Variants in CRIM1 observed in about 807,000 individuals in gnomAD.
The protein encoded by CRIM1 is cysteine rich transmembrane BMP regulator 1.
In CRIM1, 32 loss-of-function variants were observed where a neutral mutation model predicts 116.4. The observed-to-expected ratio is 0.27, with a 90% CI of 0.21 to 0.37. The LOEUF is 0.37. Among genes scored for constraint, CRIM1 ranks in the 10% least tolerant of loss-of-function variants. The pLI is 1.00. For synonymous variants in CRIM1, 590 were observed against 509.2 expected (o/e 1.16, Z -2.13); for missense variants, 1,331 against 1,354.8 (o/e 0.98, Z 0.28).
Position 36,535,962 on chromosome 2 carries a change from C to T in CRIM1, c.2429-1390C>T, listed in dbSNP as rs973543245. Among the ~76,000 whole-genome samples, 3 of 152,270 alleles carry T rather than the reference C, an allele frequency of 2.0e-5. No individual in the cohort carries two copies. The East Asian group carries it at 5.8e-4, about 29-fold the overall frequency. ...ACGCTGTTTTATATTAGGGACTTGG[C>T]ACATGAGCGTCTTTGGATTTTGGTA... On this transcript the variant is annotated intron_variant, in intron 13 of 16. Transcript: ENST00000280527.
intron 4 of CRIM1, among the ~76,000 whole-genome samples, chr2:36,448,828 C>G (rs1676459058): frequency 6.6e-6 from 1 of 152,084 alleles, no homozygotes; most frequent in African/African-American, 2.4e-5. Context: ...TGTCCAAAAA[C>G]TTAAAATAGA....
intron 1 of CRIM1, among the ~76,000 whole-genome samples, chr2:36,363,999 A>G (rs1446457169): frequency 2.0e-5 from 3 of 152,164 alleles, no homozygotes; most frequent in Non-Finnish European, 2.9e-5. Flanking sequence ...AGCATCGCCT[A>G]TGGGTCTTGT....
chr2:36,513,886 C>T, intron 11 of CRIM1, 121 bp downstream of exon 11: 1 of 820,014 alleles, frequency 1.2e-6, no homozygotes, highest in Non-Finnish European at 1.9e-6. Context: ...CTTTTCAGCA[C>T]TGTGTGGTTT....
intron 2 of CRIM1, among the ~76,000 whole-genome samples, chr2:36,401,850 C>T (rs1395495759): frequency 2.0e-5 from 3 of 152,178 alleles, no homozygotes; most frequent in Non-Finnish European, 4.4e-5. Context: ...TTATGAAATG[C>T]CAGATACATA....
At chr2:36,362,042 G>C (rs1262007756) in intron 1 of CRIM1, among the ~76,000 whole-genome samples, 1 of 152,038 alleles carries the variant, frequency 6.6e-6, no homozygotes, top group Non-Finnish European at 1.5e-5. Flanking sequence ...CTTCTGCTGG[G>C]GTGAGGGGGA....
intron 2 of CRIM1, among the ~76,000 whole-genome samples, chr2:36,411,529 G>A (rs1673200141): frequency 6.6e-6 from 1 of 152,086 alleles, no homozygotes; most frequent in African/African-American, 2.4e-5. Context: ...GAAGAACATT[G>A]TATACAAATA....
chr2:36,445,822 AT>A (rs1213817742), intron 4 of CRIM1, among the ~76,000 whole-genome samples: 1 of 152,196 alleles, frequency 6.6e-6, no homozygotes, highest in Non-Finnish European at 1.5e-5. Context: ...TAATGGTAGT[AT>A]TTTAAGAGAA....
intron 5 of CRIM1, among the ~76,000 whole-genome samples, chr2:36,474,073 G>A (rs58757953): frequency 0.026 from 3,999 of 152,210 alleles, 181 homozygotes; most frequent in African/African-American, 0.09. Flanking sequence ...TTGCAGCTTA[G>A]ATTTGAATTC....
chr2:36,514,603 T>G (rs1664912702), intron 11 of CRIM1, among the ~76,000 whole-genome samples: 1 of 152,144 alleles, frequency 6.6e-6, no homozygotes, highest in African/African-American at 2.4e-5. Flanking sequence ...TCTCAAATCT[T>G]GTATCAGATT....
intron 7 of CRIM1, among the ~76,000 whole-genome samples, chr2:36,490,624 C>T (rs1172428228): frequency 2.0e-5 from 3 of 152,142 alleles, no homozygotes; most frequent in African/African-American, 7.2e-5. Flanking sequence ...ATCCCGGGTT[C>T]TTCTGATGAG....
chr2:36,484,641 G>T (rs950881324), intron 7 of CRIM1, among the ~76,000 whole-genome samples: 2 of 152,068 alleles, frequency 1.3e-5, no homozygotes, highest in Admixed American at 6.5e-5. Context: ...TCTCATCTTG[G>T]GCTGCGGCTG....
rs371816685 is a variant in CRIM1, at chr2:36,544,471, G to A, written c.2719G>A (p.Glu907Lys). ...LEVPLWPTPS[E>K]NDIVHLPRDM... Reference sequence around the variant, plus strand: ...GGTTCCCCTGTGGCCCACGCCTAGTGAAAATGATATCGTCCATCTCCCTAG... The same window carrying A: ...GGTTCCCCTGTGGCCCACGCCTAGTAAAAATGATATCGTCCATCTCCCTAG... Residue 907 changes from glutamate to lysine, a missense_variant, in exon 15 of 17, where the codon GAA becomes AAA. Around this residue, in one of 3 missense-constraint regions of CRIM1, gnomAD observed 283 missense variants for 242.8 expected, o/e 1.17. Transcript: ENST00000280527. The A allele has an allele frequency of 1.2e-5, 17 of 1,388,400 alleles. No individual in the cohort carries two copies. The highest frequency in any genetic ancestry group is 3.0e-5 in the African/African-American group (2 of 67,424). The allele number at this position is 1,388,400 out of a possible 1,614,324, so 86.0% of individuals were successfully genotyped here.
intron 14 of CRIM1, among the ~76,000 whole-genome samples, chr2:36,537,840 GCA>G (rs1047724165): frequency 4.6e-5 from 7 of 152,142 alleles, no homozygotes; most frequent in Admixed American, 1.3e-4. Context: ...TATTAGACTA[GCA>G]CAGTTTTAGT....
intron 1 of CRIM1, among the ~76,000 whole-genome samples, chr2:36,393,222 C>T (rs1274671845): frequency 6.6e-6 from 1 of 152,064 alleles, no homozygotes; most frequent in African/African-American, 2.4e-5. Context: ...ATAGATGATG[C>T]CTAGTGAGAA....
intron 13 of CRIM1, among the ~76,000 whole-genome samples, chr2:36,524,337 G>A (rs766852860): frequency 9.9e-5 from 15 of 152,202 alleles, no homozygotes; most frequent in Admixed American, 7.8e-4. Context: ...AAATGACACT[G>A]CCTTTGGTGA....
intron 2 of CRIM1, among the ~76,000 whole-genome samples, chr2:36,439,011 T>A (rs1012932936): frequency 6.6e-6 from 1 of 152,238 alleles, no homozygotes; most frequent in African/African-American, 2.4e-5. Flanking sequence ...AGAGGCTGTT[T>A]TATTTTCCAT....
At chr2:36,368,280 G>A (rs1669726424) in intron 1 of CRIM1, among the ~76,000 whole-genome samples, 2 of 152,200 alleles carry the variant, frequency 1.3e-5, no homozygotes, top group Admixed American at 6.5e-5. Flanking sequence ...TGCACACTGC[G>A]CAAGCTCCCT....
At chr2:36,369,086 T>C (rs1255066782) in intron 1 of CRIM1, 1 of 152,150 alleles carries the variant, frequency 6.6e-6, no homozygotes, top group Non-Finnish European at 1.5e-5. Flanking sequence ...TATAAATAGG[T>C]CTTTATTTGC....
At position 36,548,776 on chromosome 2, in the gene CRIM1, T is replaced by G. The variant is rs903529504; in HGVS notation, c.*75T>G. On this transcript the variant is annotated 3_prime_UTR_variant, in exon 17 of 17. Transcript: ENST00000280527. ...GCTCTAAAAAGTAAACTAGAATTTG[T>G]GCACTTGCTTAGTGGATTGTATTGG... 33 of 1,272,182 alleles carry G rather than the reference T, an allele frequency of 2.6e-5. No individual in the cohort carries two copies. Among genetic ancestry groups the G allele is most frequent in the Middle Eastern group, 1.9e-4 (1 of 5,174 alleles). The allele number at this position is 1,272,182 out of a possible 1,614,324, so 78.8% of individuals were successfully genotyped here.
Sources: allele counts gnomAD v4.1 joint callset (sites outside exome capture counted in the v4.1 genomes callset), GRCh38; gene constraint gnomAD v4.1.1; regional missense constraint gnomAD v4.1.1; transcripts MANE v1.5; gene names NCBI Gene and HGNC (gene_info 2026-07-23, HGNC 2026-07-21).